Variants in NSG1 observed in about 807,000 individuals in gnomAD.
NSG1 encodes the protein neuronal vesicle trafficking associated 1, also known as neuronal vesicle trafficking-associated protein 1.
In NSG1, 9 loss-of-function variants were observed where a neutral mutation model predicts 19.3. The ratio of observed to expected loss-of-function variants is 0.47; its 90% CI spans 0.28 to 0.81. NSG1 has a LOEUF of 0.81. Among genes scored for constraint, NSG1 ranks in the 40% least tolerant of loss-of-function variants. NSG1 has a pLI of 0.11. For missense variants in NSG1, 236 were observed against 242.4 expected (o/e 0.97, Z 0.18); for synonymous variants, 104 against 107.0 (o/e 0.97, Z 0.17).
Position 4,418,652 on chromosome 4 carries a change from TC to T in NSG1, c.*1218del, listed in dbSNP as rs1724729607. On this transcript the variant is annotated 3_prime_UTR_variant, in exon 5 of 5. Transcript: ENST00000621129. ...GTTTCTGGTGTACGTGTCAAAAGTT[TC>T]AGTTTTTTAGATCAGAAATAAACGA... is the stretch of plus-strand genomic sequence containing the variant. 1 of 152,644 alleles carries T rather than the reference TC, an allele frequency of 6.6e-6. No individual in the cohort carries two copies. The highest frequency in any genetic ancestry group is 1.5e-5 in the Non-Finnish European group (1 of 68,040). The allele number at this position is 152,644 out of a possible 1,614,324, so 9.5% of individuals were successfully genotyped here.
chr4:4,405,074 C>G (rs1338356169), intron 3 of NSG1, among the ~76,000 whole-genome samples: 2 of 152,160 alleles, frequency 1.3e-5, no homozygotes, highest in Non-Finnish European at 2.9e-5. Context: ...TTTACTCCCC[C>G]ACTACTGGAG....
chr4:4,403,160 C>G (rs1054626054), intron 3 of NSG1, among the ~76,000 whole-genome samples: 2 of 152,240 alleles, frequency 1.3e-5, no homozygotes, highest in Non-Finnish European at 2.9e-5. Flanking sequence ...ATGTGTGAAT[C>G]ACAGCCCTGC....
At chr4:4,409,509 G>T in intron 3 of NSG1, 64 bp from the exon 4 acceptor site, 2 of 1,205,732 alleles carry the variant, frequency 1.7e-6, no homozygotes, top group South Asian at 1.2e-5. Context: ...CTTCGTGTGC[G>T]GGTGTGTGTG....
intron 3 of NSG1, among the ~76,000 whole-genome samples, chr4:4,395,895 T>G (rs1455297285): frequency 6.6e-6 from 1 of 152,208 alleles, no homozygotes. Context: ...ATGGCATCCT[T>G]GAAACGGAGT....
intron 3 of NSG1, among the ~76,000 whole-genome samples, chr4:4,409,260 C>G (rs1248018610): frequency 6.6e-6 from 1 of 152,248 alleles, no homozygotes; most frequent in East Asian, 1.9e-4. Flanking sequence ...CTTAGTGGCC[C>G]GAGAGCTGCC....
intron 3 of NSG1, among the ~76,000 whole-genome samples, chr4:4,399,036 T>G (rs1292808089): frequency 6.6e-6 from 1 of 152,264 alleles, no homozygotes; most frequent in African/African-American, 2.4e-5. Context: ...TCCTAATGGC[T>G]AATGATGTCC....
rs997789114 is a variant in NSG1 at position 4,418,837 on chromosome 4, T to C, written c.*1402T>C. The C allele has an allele frequency of 6.6e-5, 10 of 152,274 alleles. No individual in the cohort carries two copies. Among genetic ancestry groups the C allele is most frequent in the African/African-American group, 2.4e-4 (10 of 41,424 alleles). The allele number at this position is 152,274 out of a possible 1,614,324, so 9.4% of individuals were successfully genotyped here. ...GGCGCAGCGGTGTGCATCAGAGGCG[T>C]GTGCTGAGAAGGGTGGTGTTAAGCT... On this transcript the variant is annotated 3_prime_UTR_variant, in exon 5 of 5. Coordinates refer to ENST00000621129, the MANE Select transcript of NSG1 (RefSeq NM_014392.5).
chr4:4,387,561 C>CCGGGGT, intron 1 of NSG1, 43 bp from the exon 2 acceptor site: 1 of 1,141,984 alleles, frequency 8.8e-7, no homozygotes, highest in Non-Finnish European at 1.2e-6. Context: ...CGCCCCGCCC[C>CCGGGGT]GGGTCTTGCT....
At chr4:4,413,355 T>C (rs1724328093) in intron 4 of NSG1, among the ~76,000 whole-genome samples, 1 of 150,486 alleles carries the variant, frequency 6.6e-6, no homozygotes, top group Admixed American at 6.7e-5. Flanking sequence ...CTTGGGGGAG[T>C]GTGCCCAGCC....
chr4:4,414,641 A>C (rs1258548900), intron 4 of NSG1, among the ~76,000 whole-genome samples: 1 of 152,196 alleles, frequency 6.6e-6, no homozygotes, highest in Non-Finnish European at 1.5e-5. Flanking sequence ...TGCATCCAGA[A>C]GCCCTTTGAG....
At chr4:4,405,032 C>A (rs143938867) in intron 3 of NSG1, among the ~76,000 whole-genome samples, 1 of 152,226 alleles carries the variant, frequency 6.6e-6, no homozygotes, top group East Asian at 1.9e-4. Flanking sequence ...TAACAAAGTA[C>A]CACAAACTGG....
At chr4:4,415,919 C>A in intron 4 of NSG1, 1 of 589,742 alleles carries the variant, frequency 1.7e-6, no homozygotes, top group Non-Finnish European at 3.0e-6. Context: ...GATGCACGCG[C>A]TGCTGGTCTG....
At position 4,409,640 on chromosome 4, in the gene NSG1, T is replaced by C; in HGVS notation, c.314T>C (p.Val105Ala). ...GTCGTCTTCCTGGTTGTCTACAAGG[T>C]GTACAAGTATGACCGCGCCTGCCCC... ...TCVVFLVVYK[V>A]YKYDRACPDG... is the part of the protein sequence containing the mutation. The change falls in exon 4 of 5, where the codon GTG (valine) becomes GCG (alanine). Residue 105 changes from valine (V) to alanine (A), a missense_variant. Val to Ala is a moderately conservative substitution (Grantham distance 64). Coordinates refer to ENST00000621129, the MANE Select transcript of NSG1 (RefSeq NM_014392.5). 6.2e-7 allele frequency: 1 copy of C among 1,614,160 alleles called. No individual in the cohort carries two copies. The highest frequency in any genetic ancestry group is 8.5e-7 in the Non-Finnish European group (1 of 1,180,018).
chr4:4,411,572 C>T (rs1190364717), intron 4 of NSG1, among the ~76,000 whole-genome samples: 4 of 152,014 alleles, frequency 2.6e-5, no homozygotes, highest in African/African-American at 4.8e-5. Flanking sequence ...GGTGAAACAC[C>T]GTCTCTACTA....
At chr4:4,407,147 G>A (rs1723904870) in intron 3 of NSG1, among the ~76,000 whole-genome samples, 1 of 152,200 alleles carries the variant, frequency 6.6e-6, no homozygotes, top group Non-Finnish European at 1.5e-5. Context: ...CCATCCCAGT[G>A]GACTGGAGTT....
chr4:4,407,739 C>T (rs1346950255), intron 3 of NSG1, among the ~76,000 whole-genome samples: 1 of 152,104 alleles, frequency 6.6e-6, no homozygotes, highest in Non-Finnish European at 1.5e-5. Context: ...TGCAGCCTTG[C>T]AGAGACGGGG....
At chr4:4,409,045 G>A (rs775229969) in intron 3 of NSG1, among the ~76,000 whole-genome samples, 6 of 152,248 alleles carry the variant, frequency 3.9e-5, no homozygotes, top group Admixed American at 6.5e-5. Context: ...ATGGGAAACC[G>A]CCGAGGGCGA....
intron 3 of NSG1, among the ~76,000 whole-genome samples, chr4:4,395,609 C>T (rs80207679): frequency 0.016 from 2,422 of 152,142 alleles, 36 homozygotes; most frequent in Non-Finnish European, 0.024. Context: ...ATGGAGGGTC[C>T]GCAATAGAGA....
At chr4:4,411,873 C>T (rs1424353868) in intron 4 of NSG1, among the ~76,000 whole-genome samples, 1 of 151,760 alleles carries the variant, frequency 6.6e-6, no homozygotes, top group Admixed American at 6.6e-5. Flanking sequence ...AATAACTAGG[C>T]ATGCACTCTA....
Sources: gnomAD v4.1 joint callset for allele counts (sites outside exome capture counted in the v4.1 genomes callset) on GRCh38, gnomAD v4.1.1 for gene constraint, MANE v1.5 for transcripts, NCBI Gene and HGNC (gene_info 2026-07-23, HGNC 2026-07-21) for gene names.